Variants in MAGI1 observed in about 807,000 individuals in gnomAD.
MAGI1 encodes the protein membrane associated guanylate kinase, WW and PDZ domain containing 1.
A neutral mutation model predicts 139.9 loss-of-function variants in MAGI1; 58 were observed. The observed-to-expected ratio is 0.41, with a 90% CI of 0.34 to 0.52. The LOEUF (loss-of-function observed/expected upper bound fraction) is 0.52, where lower values mean the gene tolerates loss of function less well. Among genes scored for constraint, MAGI1 ranks in the 20% least tolerant of loss-of-function variants. The pLI is 0.12. For synonymous variants in MAGI1, 812 were observed against 737.9 expected, an observed-to-expected ratio of 1.10 and a Z score of -1.63; for missense variants, 1,874 against 1,901.6, an observed-to-expected ratio of 0.99 and a Z score of 0.27.
chr3:65,469,068 TTTAC>T (rs1323937350), intron 5 of MAGI1, among the ~76,000 whole-genome samples: 1 of 152,138 alleles, frequency 6.6e-6, no homozygotes, highest in Non-Finnish European at 1.5e-5. Flanking sequence ...AAGTAAGTTA[TTTAC>T]TTAACTCAAA....
At chr3:65,985,367 T>C (rs1217899575) in intron 1 of MAGI1, among the ~76,000 whole-genome samples, 1 of 152,184 alleles carries the variant, frequency 6.6e-6, no homozygotes. Context: ...GGTAGCCTGA[T>C]CATTTTGGTC....
intron 2 of MAGI1, among the ~76,000 whole-genome samples, chr3:65,503,832 A>C (rs949398016): frequency 6.6e-6 from 1 of 152,176 alleles, no homozygotes. Context: ...TAGCTATGAC[A>C]TGGGATGAAG....
At chr3:65,561,293 G>A (rs753053298) in intron 2 of MAGI1, among the ~76,000 whole-genome samples, 3 of 152,018 alleles carry the variant, frequency 2.0e-5, no homozygotes, top group Admixed American at 6.6e-5. Context: ...TGTTTCCCCC[G>A]TATTGTTGTA....
intron 2 of MAGI1, among the ~76,000 whole-genome samples, chr3:65,554,189 C>A (rs2079980345): frequency 6.6e-6 from 1 of 152,120 alleles, no homozygotes. Context: ...ACATCACTTC[C>A]CTTTGAGAAG....
intron 2 of MAGI1, among the ~76,000 whole-genome samples, chr3:65,505,560 A>G (rs1282479305): frequency 6.6e-6 from 1 of 151,618 alleles, no homozygotes. Context: ...TGGGAGGACC[A>G]CTTAAGACCA....
At chr3:65,614,785 G>C (rs13093714) in intron 2 of MAGI1, among the ~76,000 whole-genome samples, 2 of 151,760 alleles carry the variant, frequency 1.3e-5, no homozygotes, top group African/African-American at 4.8e-5. Context: ...TTTCAGAGCC[G>C]ATCTAAAAGC....
chr3:65,869,141 G>C (rs2059830004), intron 1 of MAGI1, among the ~76,000 whole-genome samples: 2 of 144,954 alleles, frequency 1.4e-5, no homozygotes, highest in Non-Finnish European at 3.0e-5. Context: ...TGTAGTCCCA[G>C]CTACTCGGAG....
At chr3:65,907,444 A>G (rs190366107) in intron 1 of MAGI1, among the ~76,000 whole-genome samples, 79 of 152,258 alleles carry the variant, frequency 5.2e-4, no homozygotes, top group South Asian at 3.1e-3. Context: ...CACCACATGC[A>G]AAGTACTTAT....
At chr3:65,973,687 A>C (rs988407813) in intron 1 of MAGI1, among the ~76,000 whole-genome samples, 2 of 152,240 alleles carry the variant, frequency 1.3e-5, no homozygotes, top group South Asian at 2.1e-4. Context: ...TAGTTTCATT[A>C]TCCATAAAAT....
chr3:65,389,577 G>A (rs1005259369), intron 14 of MAGI1, among the ~76,000 whole-genome samples: 9 of 152,194 alleles, frequency 5.9e-5, no homozygotes, highest in Non-Finnish European at 1.2e-4. Flanking sequence ...CTCCTCTTTG[G>A]AAATATCTCT....
intron 6 of MAGI1, among the ~76,000 whole-genome samples, chr3:65,452,398 C>G (rs1949084408): frequency 1.3e-5 from 2 of 152,136 alleles, no homozygotes; most frequent in South Asian, 4.1e-4. Context: ...GTTCTGTTAT[C>G]TTACAGTAAA....
chr3:65,913,174 G>A (rs1455160140), intron 1 of MAGI1, among the ~76,000 whole-genome samples: 1 of 152,072 alleles, frequency 6.6e-6, no homozygotes, highest in Non-Finnish European at 1.5e-5. Flanking sequence ...GGCACAGGAG[G>A]CGGAGGTTGA....
At chr3:65,827,269 T>C (rs1387783362) in intron 1 of MAGI1, among the ~76,000 whole-genome samples, 1 of 152,150 alleles carries the variant, frequency 6.6e-6, no homozygotes, top group Non-Finnish European at 1.5e-5. Flanking sequence ...CTAAGAGACT[T>C]TCAGAATGTC....
intron 1 of MAGI1, among the ~76,000 whole-genome samples, chr3:65,755,539 G>A (rs1452562030): frequency 2.1e-5 from 3 of 139,868 alleles, no homozygotes; most frequent in Non-Finnish European, 4.6e-5. Context: ...ATTTCTTCTA[G>A]ACAGTCTGTG....
intron 2 of MAGI1, among the ~76,000 whole-genome samples, chr3:65,523,851 G>C (rs2078268722): frequency 6.6e-6 from 1 of 152,124 alleles, no homozygotes; most frequent in Non-Finnish European, 1.5e-5. Context: ...AAAATCACCA[G>C]CACAAATACT....
chr3:65,741,082 T>A (rs762286260), intron 1 of MAGI1, among the ~76,000 whole-genome samples: 1 of 152,142 alleles, frequency 6.6e-6, no homozygotes, highest in African/African-American at 2.4e-5. Context: ...TCTATAATCA[T>A]GTAAACAACA....
chr3:65,921,908 A>G (rs1420935133), intron 1 of MAGI1, among the ~76,000 whole-genome samples: 4 of 137,520 alleles, frequency 2.9e-5, no homozygotes, highest in African/African-American at 8.5e-5. Context: ...CCTATCTCCA[A>G]CCACACACAC....
At chr3:65,487,061 T>C (rs944701704) in intron 3 of MAGI1, among the ~76,000 whole-genome samples, 3 of 152,144 alleles carry the variant, frequency 2.0e-5, no homozygotes, top group Non-Finnish European at 1.5e-5. Context: ...ACCAACGTGG[T>C]TCAAAGCCAA....
At chr3:65,387,126 T>G (rs1943511610) in intron 14 of MAGI1, 3 of 1,608,094 alleles carry the variant, frequency 1.9e-6, no homozygotes, top group Non-Finnish European at 2.6e-6. Context: ...AGACAAAAGT[T>G]TTCAGCGGAT....
Sources: gnomAD v4.1 joint callset for allele counts (sites outside exome capture counted in the v4.1 genomes callset) on GRCh38, gnomAD v4.1.1 for gene constraint, MANE v1.5 for transcripts, NCBI Gene and HGNC (gene_info 2026-07-23, HGNC 2026-07-21) for gene names.